Variants in PUDP observed in about 807,000 individuals in gnomAD.
The protein encoded by PUDP is pseudouridine 5'-phosphatase.
Under a neutral mutation model 9.4 loss-of-function variants are expected in PUDP, and 8 were observed. The observed-to-expected ratio is 0.85, with a 90% CI of 0.50 to 1.53. PUDP has a LOEUF of 1.53. Ranked by LOEUF, PUDP falls within the 40% of genes most tolerant of loss-of-function variation. The probability of loss-of-function intolerance (pLI) is 0.00; values close to 1 mark genes in which losing one functional copy is unlikely to be tolerated. For synonymous variants in PUDP, 99 were observed against 80.7 expected, an observed-to-expected ratio of 1.23 and a Z score of -1.22; for missense variants, 188 against 189.7, an observed-to-expected ratio of 0.99 and a Z score of 0.05.
chrX:6,835,351 G>A (rs1296277498), intron 3 of PUDP, among the ~76,000 whole-genome samples: 3 of 110,603 alleles, frequency 2.7e-5, no homozygotes, highest in South Asian at 7.8e-4. Context: ...ATTTTAGCCC[G>A]ACGATACCCC....
chrX:7,121,195 T>C (rs1932335124), intron 1 of PUDP, among the ~76,000 whole-genome samples: 1 of 112,340 alleles, frequency 8.9e-6, no homozygotes, highest in Non-Finnish European at 1.9e-5. Context: ...ACAATGTTAA[T>C]AGAAGTAGCC....
intron 3 of PUDP, among the ~76,000 whole-genome samples, chrX:6,742,299 C>G (rs950806574): frequency 2.7e-5 from 3 of 112,705 alleles, no homozygotes; most frequent in Admixed American, 1.9e-4. Flanking sequence ...TCACTGCCCA[C>G]AGGCCAAATC....
At chrX:6,839,245 G>A (rs935238709) in intron 3 of PUDP, among the ~76,000 whole-genome samples, 2 of 111,266 alleles carry the variant, frequency 1.8e-5, no homozygotes, top group Non-Finnish European at 3.8e-5. Flanking sequence ...ATTTCCTCTG[G>A]GCCTAGGACT....
chrX:7,059,153 G>A (rs1930327960), intron 3 of PUDP, among the ~76,000 whole-genome samples: 1 of 111,470 alleles, frequency 9.0e-6, no homozygotes, highest in South Asian at 3.8e-4. Flanking sequence ...TGGTTGGGGG[G>A]TGGGCAGGAA....
chrX:6,813,121 AG>A (rs1926170805), intron 3 of PUDP, among the ~76,000 whole-genome samples: 2 of 109,736 alleles, frequency 1.8e-5, no homozygotes, highest in Admixed American at 2.0e-4. Context: ...AGAAAGAGAG[AG>A]AAAAGAAGAA....
intron 1 of PUDP, among the ~76,000 whole-genome samples, chrX:7,004,215 A>G (rs1929370032): frequency 8.9e-6 from 1 of 111,980 alleles, no homozygotes. Context: ...ATCTTATGTA[A>G]TAATAAATAA....
At chrX:6,887,189 A>G (rs1036440627) in intron 3 of PUDP, among the ~76,000 whole-genome samples, 4 of 105,970 alleles carry the variant, frequency 3.8e-5, no homozygotes, top group African/African-American at 1.0e-4. Context: ...ATTTATTTAT[A>G]ATTAAATATA....
At chrX:7,076,018 T>C in intron 3 of PUDP, among the ~76,000 whole-genome samples, 1 of 111,035 alleles carries the variant, frequency 9.0e-6, no homozygotes, top group East Asian at 2.9e-4. Context: ...GTGTCAGAAC[T>C]GAACTGAATT....
intron 3 of PUDP, among the ~76,000 whole-genome samples, chrX:6,803,140 C>CTAGA (rs1489370161): frequency 9.6e-6 from 1 of 103,868 alleles, no homozygotes; most frequent in Non-Finnish European, 2.0e-5. Flanking sequence ...AATAAAATAA[C>CTAGA]TAGAGCTGGA....
At chrX:6,851,722 G>A in intron 3 of PUDP, among the ~76,000 whole-genome samples, 1 of 111,100 alleles carries the variant, frequency 9.0e-6, no homozygotes, top group East Asian at 2.8e-4. Context: ...GCTATCCCAT[G>A]GGCACTGAAA....
At chrX:7,118,843 A>G (rs763603515) in intron 1 of PUDP, among the ~76,000 whole-genome samples, 1 of 112,292 alleles carries the variant, frequency 8.9e-6, no homozygotes, top group Non-Finnish European at 1.9e-5. Context: ...GTTTAATTAA[A>G]CAAATGTTGA....
intron 1 of PUDP, among the ~76,000 whole-genome samples, chrX:7,036,162 C>A (rs1368816889): frequency 8.9e-6 from 1 of 111,923 alleles, no homozygotes. Context: ...AATTATCCAG[C>A]CTCAGGTATT....
At chrX:6,739,116 G>T (rs772608336) in intron 3 of PUDP, among the ~76,000 whole-genome samples, 38 of 111,796 alleles carry the variant, frequency 3.4e-4, no homozygotes, top group Admixed American at 5.7e-4. Context: ...AATTGTGTTT[G>T]TGAGAGCTAA....
chrX:6,876,722 C>T (rs1245751413), intron 3 of PUDP, among the ~76,000 whole-genome samples: 1 of 104,221 alleles, frequency 9.6e-6, no homozygotes, highest in African/African-American at 3.5e-5. Flanking sequence ...TATGTCTATA[C>T]ATGTAGATGC....
At chrX:6,757,857 C>T (rs1225423903) in intron 3 of PUDP, among the ~76,000 whole-genome samples, 2 of 112,318 alleles carry the variant, frequency 1.8e-5, no homozygotes, top group Non-Finnish European at 3.8e-5. Context: ...GTCTGTGCTG[C>T]CACCTTTTCT....
At chrX:7,122,213 ATATG>A (rs752186192) in intron 1 of PUDP, among the ~76,000 whole-genome samples, 603 of 59,874 alleles carry the variant, frequency 0.01, 5 homozygotes, top group African/African-American at 0.052. Flanking sequence ...AAAAACCCAT[ATATG>A]TGTGTGTGTG....
intron 1 of PUDP, among the ~76,000 whole-genome samples, chrX:6,982,023 T>TACACACAC (rs59016698): frequency 0.031 from 2,678 of 86,921 alleles, 50 homozygotes; most frequent in Middle Eastern, 0.051. Flanking sequence ...AACTTATGGA[T>TACACACAC]ACACACACAC....
chrX:7,056,509 G>A (rs757435863), intron 3 of PUDP, among the ~76,000 whole-genome samples: 37 of 111,593 alleles, frequency 3.3e-4, no homozygotes, highest in Middle Eastern at 4.6e-3. Context: ...TTAATTTTGT[G>A]ATCATTTTGT....
rs555113170 is a variant in PUDP, at chrX:7,110,271, G to C, written c.62-4433C>G. On this transcript the variant is annotated intron_variant, in intron 1 of 3. Transcript: ENST00000381077. ...TAAGTTTCTGTCTAAGGCGGAGACTGGGTAATTGCTGCAAATCAAGTAACA... is the reference window on the plus strand; with the variant it reads ...TAAGTTTCTGTCTAAGGCGGAGACTCGGTAATTGCTGCAAATCAAGTAACA... Among the ~76,000 whole-genome samples the C allele has an allele frequency of 7.1e-5, 8 of 112,559 alleles. No individual in the cohort carries two copies. In the South Asian group the frequency reaches 1.8e-3, roughly 26 times the overall value.
Sources: allele counts gnomAD v4.1 joint callset (sites outside exome capture counted in the v4.1 genomes callset), GRCh38; gene constraint gnomAD v4.1.1; transcripts MANE v1.5; gene names NCBI Gene and HGNC (gene_info 2026-07-23, HGNC 2026-07-21).